The following C6orf132 variants were observed in gnomAD, a reference collection of about 807,000 sequenced individuals.
The protein encoded by C6orf132 is uncharacterized protein C6orf132.
Under a neutral mutation model 65.3 loss-of-function variants are expected in C6orf132, and 43 were observed. That is an observed-to-expected ratio of 0.66 (90% CI 0.52 to 0.85). The LOEUF (loss-of-function observed/expected upper bound fraction) is 0.85. Ranked by LOEUF, C6orf132 falls within the 40% of genes least tolerant of loss-of-function variation. C6orf132 has a pLI of 0.00. For synonymous variants in C6orf132, 631 were observed against 654.1 expected (o/e 0.96, Z 0.54); for missense variants, 1,488 against 1,548.8 (o/e 0.96, Z 0.66).
chr6:42,138,867 A>ACACACACACACAC (rs1554183407), intron 1 of C6orf132, among the ~76,000 whole-genome samples: 3 of 151,854 alleles, frequency 2.0e-5, no homozygotes, highest in Admixed American at 6.6e-5. Flanking sequence ...ACACACACAC[A>ACACACACACACAC]CACACACACA....
At chr6:42,125,573 G>T (rs997599950) in intron 2 of C6orf132, among the ~76,000 whole-genome samples, 12 of 152,184 alleles carry the variant, frequency 7.9e-5, no homozygotes, top group Admixed American at 7.9e-4. Flanking sequence ...GTAAAATGAG[G>T]CCCCTTTCAG....
intron 1 of C6orf132, among the ~76,000 whole-genome samples, chr6:42,134,928 G>C (rs1206580860): frequency 6.6e-6 from 1 of 152,164 alleles, no homozygotes; most frequent in East Asian, 1.9e-4. Context: ...TTGAACCTGG[G>C]AGGCAGAGGT....
Position 42,107,350 on chromosome 6 carries a change from G to T in C6orf132, c.562C>A (p.Pro188Thr). ...GCCTCCAATACTGGGGGTGGAGGTG[G>T]GGCCATGCTGGGCGGGGGTGGGGGT... is the stretch of plus-strand genomic sequence containing the variant. ...LEPPPPPSMAPPPPPVLEALS... is the reference protein window; with the variant it reads ...LEPPPPPSMATPPPPVLEALS... The change falls in exon 4 of 5, where the codon CCA becomes ACA. Residue 188 changes from proline to threonine, a missense_variant. Pro to Thr is a conservative substitution (Grantham distance 38). Coordinates refer to ENST00000341865, the MANE Select transcript of C6orf132 (RefSeq NM_001164446.3). The T allele has an allele frequency of 8.9e-7, 1 of 1,117,940 alleles. No individual in the cohort carries two copies. The highest frequency in any genetic ancestry group is 1.3e-6 in the Non-Finnish European group (1 of 795,798). The allele number at this position is 1,117,940 out of a possible 1,614,324, so 69.3% of individuals were successfully genotyped here.
At chr6:42,134,186 C>A (rs1045668458) in intron 1 of C6orf132, among the ~76,000 whole-genome samples, 12 of 152,156 alleles carry the variant, frequency 7.9e-5, no homozygotes, top group Admixed American at 2.0e-4. Flanking sequence ...GGGTTTAGAG[C>A]CCAGCTGAAC....
Position 42,103,694 on chromosome 6 carries a change from A to AC in C6orf132, c.*66dup. On this transcript the variant is annotated 3_prime_UTR_variant, in exon 5 of 5. Transcript: ENST00000341865. ...ACCTGCTGTGTACCTCCCACCCCCCACAAGAAACAAGTGCCCAGATCCTTA... is the reference window on the plus strand; with the variant it reads ...ACCTGCTGTGTACCTCCCACCCCCCACCAAGAAACAAGTGCCCAGATCCTTA... 3.7e-6 allele frequency: 4 copies of AC among 1,078,662 alleles called. No homozygotes were observed. The highest frequency in any genetic ancestry group is 4.8e-6 in the Non-Finnish European group (4 of 827,012). 66.8% of individuals were successfully genotyped at this position (1,078,662 alleles called of 1,614,324 possible).
chr6:42,111,808 T>G lies in C6orf132; in HGVS notation c.253-1517A>C, dbSNP rs1766499132. ...ATAATATTTTTACACAGCTGTCAGT[T>G]TGTACATACTATTTTGCATTCTATT... On this transcript the variant is annotated intron_variant, in intron 2 of 4. Coordinates refer to ENST00000341865, the MANE Select transcript of C6orf132 (RefSeq NM_001164446.3). 1.3e-5 allele frequency among the ~76,000 whole-genome samples: 2 copies of G among 152,178 alleles called. 1 individual carries two copies. The highest frequency in any genetic ancestry group is 4.1e-4 in the South Asian group (2 of 4,820).
chr6:42,102,221 C>CTTTTTTT lies in C6orf132; in HGVS notation c.*1533_*1539dup, dbSNP rs58496089. ...CCCTACTGATAGGTCTCCCCTGCTC[C>CTTTTTTT]TTTTTTTTTTTTTTTTTTTTTTTTT... is the stretch of plus-strand genomic sequence containing the variant. On this transcript the variant is annotated 3_prime_UTR_variant, in exon 5 of 5. Coordinates refer to ENST00000341865, the MANE Select transcript of C6orf132 (RefSeq NM_001164446.3). The CTTTTTTT allele has an allele frequency of 1.2e-4, 11 of 92,184 alleles. No homozygotes were observed. Among genetic ancestry groups the CTTTTTTT allele is most frequent in the East Asian group, 3.0e-4 (1 of 3,346 alleles). The allele number at this position is 92,184 out of a possible 1,614,324, so 5.7% of individuals were successfully genotyped here. A position where few individuals can be genotyped will look rare whatever the true frequency, so the allele number is the denominator to read the frequency against.
In C6orf132 at chr6:42,106,088, GTCA is replaced by G; in HGVS notation, c.1821_1823del (p.Asp608del). 1 of 1,537,254 alleles carries G rather than the reference GTCA, an allele frequency of 6.5e-7. No individual in the cohort carries two copies. The highest frequency in any genetic ancestry group is 8.7e-7 in the Non-Finnish European group (1 of 1,146,914). ...TCTTGGCCACAGGCTTGGAGAGTTT[GTCA>G]TCATCAGCCCCGTTTTCACAAATTC... is the stretch of plus-strand genomic sequence containing the variant. On this transcript the variant is annotated inframe_deletion, in exon 4 of 5. Transcript: ENST00000341865.
Position 42,101,164 on chromosome 6 carries a change from T to C in C6orf132, c.*2597A>G, listed in dbSNP as rs577712667. 1 of 152,076 alleles carries C rather than the reference T, an allele frequency of 6.6e-6. No individual in the cohort carries two copies. The highest frequency in any genetic ancestry group is 2.4e-5 in the African/African-American group (1 of 41,484). 9.4% of individuals were successfully genotyped at this position (152,076 alleles called of 1,614,324 possible). A position where few individuals can be genotyped will look rare whatever the true frequency, so the allele number is the denominator to read the frequency against. On this transcript the variant is annotated 3_prime_UTR_variant, in exon 5 of 5. Coordinates refer to ENST00000341865, the MANE Select transcript of C6orf132 (RefSeq NM_001164446.3). ...TTATGGAAAACTGTGACAGGCCATA[T>C]ACAAATGTGAGGTATTCATCACCCA...
chr6:42,103,208 C>T lies in C6orf132; in HGVS notation c.*553G>A, dbSNP rs1766322573. ...TACATACACATTCCTGGTCCCACCT[C>T]AATGCGGCTAGGAACCCCAGGTGTC... On this transcript the variant is annotated 3_prime_UTR_variant, in exon 5 of 5. Transcript: ENST00000341865. 2.5e-6 allele frequency: 1 copy of T among 398,560 alleles called. No homozygotes were observed. The highest frequency in any genetic ancestry group is 2.1e-5 in the African/African-American group (1 of 48,638). 24.7% of individuals were successfully genotyped at this position (398,560 alleles called of 1,614,324 possible).
chr6:42,106,941 G>A lies in C6orf132; in HGVS notation c.971C>T (p.Pro324Leu), dbSNP rs1230743016. 1.3e-6 allele frequency: 2 copies of A among 1,536,390 alleles called. No individual in the cohort carries two copies. Among genetic ancestry groups the A allele is most frequent in the Admixed American group, 3.9e-5 (2 of 50,942 alleles). ...SIPVQEAQEA[P>L]RKEEGATKKA... ...CTTGGTGGCCCCCTCTTCCTTTCGGGGAGCCTCTTGTGCTTCCTGAACTGG... is the reference window on the plus strand; with the variant it reads ...CTTGGTGGCCCCCTCTTCCTTTCGGAGAGCCTCTTGTGCTTCCTGAACTGG... Residue 324 changes from proline to leucine, a missense_variant, in exon 4 of 5, where the codon CCC (proline) becomes CTC (leucine). Transcript: ENST00000341865.
chr6:42,106,071 A>G lies in C6orf132; in HGVS notation c.1841T>C (p.Val614Ala). The change falls in exon 4 of 5, where the codon GTG becomes GCG. Residue 614 changes from valine (V) to alanine (A), a missense_variant. By Grantham distance (64) the Val-to-Ala change is moderately conservative (BLOSUM62 0). Coordinates refer to ENST00000341865, the MANE Select transcript of C6orf132 (RefSeq NM_001164446.3). ...GADDDKLSKP[V>A]AKNLPPQSTT... ...GGATTGAGGTGGCAGATTCTTGGCC[A>G]CAGGCTTGGAGAGTTTGTCATCATC... 6.5e-7 allele frequency: 1 copy of G among 1,537,218 alleles called. No individual in the cohort carries two copies. The highest frequency in any genetic ancestry group is 1.4e-5 in the African/African-American group (1 of 73,168).
rs1766421627 is a variant in C6orf132, at chr6:42,106,976, A to C, written c.936T>G (p.Thr312=). The C allele has an allele frequency of 6.5e-7, 1 of 1,532,080 alleles. No individual in the cohort carries two copies. The highest frequency in any genetic ancestry group is 1.4e-5 in the African/African-American group (1 of 71,202). The allele number at this position is 1,532,080 out of a possible 1,614,324, so 94.9% of individuals were successfully genotyped here. A position where few individuals can be genotyped will look rare whatever the true frequency, so the allele number is the denominator to read the frequency against. Residue 312 remains threonine, a synonymous_variant, in exon 4 of 5, where the codon ACT becomes ACG. Transcript: ENST00000341865. ...FKVPPPTPVR[T]SSIPVQEAQE... is the part of the protein sequence containing the mutation. Reference sequence around the variant, plus strand: ...GTGCTTCCTGAACTGGGATGGACGAAGTCCTGACTGGGGTTGGGGGAGGCA... The same window carrying C: ...GTGCTTCCTGAACTGGGATGGACGACGTCCTGACTGGGGTTGGGGGAGGCA...
chr6:42,104,741 C>T lies in C6orf132; in HGVS notation c.3171G>A (p.Gly1057=). Residue 1057 remains glycine (G), a synonymous_variant, in exon 4 of 5, where the codon GGG becomes GGA. Coordinates refer to ENST00000341865, the MANE Select transcript of C6orf132 (RefSeq NM_001164446.3). The surrounding 1 kb of genome is among the most constrained non-coding windows in gnomAD (Gnocchi z 4.1). ...GAGGLERFSG[G]GRSLIKKRLY... The stretch of plus-strand genomic sequence containing the variant: ...GGCGCTTCTTTATGAGCGAGCGGCC[C>T]CCTCCCGAGAAGCGCTCCAGGCCCC... 6.5e-7 allele frequency: 1 copy of T among 1,527,286 alleles called. No homozygotes were observed. The highest frequency in any genetic ancestry group is 8.7e-7 in the Non-Finnish European group (1 of 1,143,250). 94.6% of individuals were successfully genotyped at this position (1,527,286 alleles called of 1,614,324 possible). A position where few individuals can be genotyped will look rare whatever the true frequency, so the allele number is the denominator to read the frequency against.
chr6:42,113,826 GAAAA>G (rs1006859617), intron 2 of C6orf132, among the ~76,000 whole-genome samples: 1 of 146,032 alleles, frequency 6.8e-6, no homozygotes, highest in Non-Finnish European at 1.5e-5. Flanking sequence ...AAAAAGAAAA[GAAAA>G]AAAAGAAAGA....
Position 42,112,342 on chromosome 6 carries a change from G to A in C6orf132, c.253-2051C>T, listed in dbSNP as rs189243854. 2.0e-5 allele frequency among the ~76,000 whole-genome samples: 3 copies of A among 152,288 alleles called. No homozygotes were observed. The East Asian group carries it at 5.8e-4, about 29-fold the overall frequency. On this transcript the variant is annotated intron_variant, in intron 2 of 4. Coordinates refer to ENST00000341865, the MANE Select transcript of C6orf132 (RefSeq NM_001164446.3). Reference sequence around the variant, plus strand: ...CTCCCTAAAATCCCTTATCCTTCAAGGATTAGCTGAGCCCCTCTAGGATGA... The same window carrying A: ...CTCCCTAAAATCCCTTATCCTTCAAAGATTAGCTGAGCCCCTCTAGGATGA...
At chr6:42,120,390 G>A (rs1766662798) in intron 2 of C6orf132, among the ~76,000 whole-genome samples, 2 of 151,494 alleles carry the variant, frequency 1.3e-5, no homozygotes, top group African/African-American at 2.4e-5. Flanking sequence ...GGGACTACAG[G>A]CACCCACCAC....
At position 42,107,288 on chromosome 6, in the gene C6orf132, T is replaced by C; in HGVS notation, c.624A>G (p.Ile208Met). ...GGGGAATGAAGTCAGGAGGGGTGGG[T>C]ATGGATGGGGAGGAAAGAGTGTGTG... ...SPPHTLSSPS[I>M]PTPPDFIPPA... The change falls in exon 4 of 5, where the codon ATA (isoleucine) becomes ATG (methionine). Residue 208 changes from isoleucine (I) to methionine (M), a missense_variant. Physicochemically the swap from Ile to Met is conservative, Grantham distance 10. Transcript: ENST00000341865. The C allele has an allele frequency of 9.6e-7, 1 of 1,037,456 alleles. No individual in the cohort carries two copies. The highest frequency in any genetic ancestry group is 1.3e-6 in the Non-Finnish European group (1 of 799,132). The allele number at this position is 1,037,456 out of a possible 1,614,324, so 64.3% of individuals were successfully genotyped here.
rs899728380 is a variant in C6orf132, at chr6:42,102,746, C to T, written c.*1015G>A. The T allele has an allele frequency of 9.3e-6, 2 of 216,182 alleles. No individual in the cohort carries two copies. Among genetic ancestry groups the T allele is most frequent in the African/African-American group, 4.5e-5 (2 of 43,984 alleles). The allele number at this position is 216,182 out of a possible 1,614,324, so 13.4% of individuals were successfully genotyped here. On this transcript the variant is annotated 3_prime_UTR_variant, in exon 5 of 5. Coordinates refer to ENST00000341865, the MANE Select transcript of C6orf132 (RefSeq NM_001164446.3). Reference sequence around the variant, plus strand: ...ACTCTTGACTTTCCCAAACACATTCCCCAACAGCAGCAAGCTTCTTCAGAC... The same window carrying T: ...ACTCTTGACTTTCCCAAACACATTCTCCAACAGCAGCAAGCTTCTTCAGAC...
Sources: gnomAD v4.1 joint callset for allele counts (sites outside exome capture counted in the v4.1 genomes callset) on GRCh38, gnomAD v4.1.1 for gene constraint, Gnocchi (gnomAD v3.1) non-coding constraint, MANE v1.5 for transcripts, NCBI Gene and HGNC (gene_info 2026-07-23, HGNC 2026-07-21) for gene names.